The following AGFG1 variants were observed in gnomAD, a reference collection of about 807,000 sequenced individuals.
AGFG1 encodes arf-GAP domain and FG repeat-containing protein 1.
AGFG1 carries 10 observed loss-of-function variants against 60.6 expected under a neutral mutation model. The ratio of observed to expected loss-of-function variants is 0.16; its 90% CI spans 0.10 to 0.28. The LOEUF is 0.28. Ranked by LOEUF, AGFG1 falls within the 10% of genes least tolerant of loss-of-function variation. AGFG1 has a pLI of 1.00. For synonymous variants in AGFG1, 247 were observed against 242.9 expected (o/e 1.02, Z -0.16); for missense variants, 537 against 676.5 (o/e 0.79, Z 2.29).
At chr2:227,507,910 CCT>C (rs1305146167) in intron 2 of AGFG1, among the ~76,000 whole-genome samples, 14 of 151,524 alleles carry the variant, frequency 9.2e-5, no homozygotes, top group East Asian at 3.9e-4. Context: ...CAAATTTTCC[CCT>C]CTTTGTTCAA....
chr2:227,532,760 G>C (rs1261272447), intron 6 of AGFG1, among the ~76,000 whole-genome samples: 1 of 151,960 alleles, frequency 6.6e-6, no homozygotes, highest in African/African-American at 2.4e-5. Context: ...AAAAATGTAG[G>C]ATCAAAAGCA....
chr2:227,497,540 A>T lies in AGFG1; in HGVS notation c.261+5900A>T, dbSNP rs572977969. Reference sequence around the variant, plus strand: ...CCCCCATATGTATTTTAAACTGTTTAAAAAATAACATTCACTGTAAGATTT... The same window carrying T: ...CCCCCATATGTATTTTAAACTGTTTTAAAAATAACATTCACTGTAAGATTT... On this transcript the variant is annotated intron_variant, in intron 2 of 12. Coordinates refer to ENST00000310078, the MANE Select transcript of AGFG1 (RefSeq NM_004504.5). Among the ~76,000 whole-genome samples, 31 of 152,096 alleles carry T rather than the reference A, an allele frequency of 2.0e-4. 1 individual carries two copies. The South Asian group carries it at 6.4e-3, about 32-fold the overall frequency.
chr2:227,518,516 CTTT>C (rs1222543055), intron 2 of AGFG1, among the ~76,000 whole-genome samples: 3 of 102,366 alleles, frequency 2.9e-5, no homozygotes, highest in Admixed American at 1.1e-4. Context: ...GTCTCAGTGT[CTTT>C]TTTTTTTTTT....
intron 10 of AGFG1, among the ~76,000 whole-genome samples, chr2:227,550,391 A>T (rs989121323): frequency 1.3e-5 from 2 of 152,196 alleles, no homozygotes; most frequent in Admixed American, 1.3e-4. Flanking sequence ...GTTTGAATTC[A>T]TGGTACTTTG....
chr2:227,527,880 T>G (rs943247302), intron 5 of AGFG1, among the ~76,000 whole-genome samples: 7 of 152,328 alleles, frequency 4.6e-5, no homozygotes, highest in Non-Finnish European at 4.4e-5. Flanking sequence ...AAAAGATGTA[T>G]TTCACAATTT....
intron 2 of AGFG1, among the ~76,000 whole-genome samples, chr2:227,494,202 G>A (rs1186054137): frequency 2.0e-5 from 3 of 152,088 alleles, no homozygotes; most frequent in Non-Finnish European, 4.4e-5. Context: ...ACGAAGTGTG[G>A]GACAGTTGGT....
At chr2:227,551,271 T>C (rs894783489) in intron 10 of AGFG1, among the ~76,000 whole-genome samples, 4 of 152,204 alleles carry the variant, frequency 2.6e-5, no homozygotes, top group Non-Finnish European at 4.4e-5. Context: ...CTAACCTTCC[T>C]TCAGTCTCGC....
Position 227,491,623 on chromosome 2 carries a change from CA to C in AGFG1, c.249del (p.Lys83AsnfsTer12). 6.6e-7 allele frequency: 1 copy of C among 1,506,124 alleles called. No homozygotes were observed. The highest frequency in any genetic ancestry group is 2.1e-5 in the Admixed American group (1 of 48,476). The allele number at this position is 1,506,124 out of a possible 1,614,324, so 93.3% of individuals were successfully genotyped here. A position where few individuals can be genotyped will look rare whatever the true frequency, so the allele number is the denominator to read the frequency against. On this transcript the variant is annotated frameshift_variant, in exon 2 of 13. Transcript: ENST00000310078. LOFTEE classifies it high-confidence loss of function. ...TFTQQEIEFL[Q>X]KHGNEVCKQI... ...CACACAACAGGAAATTGAATTCTTACAAAAACATGGAAATGAAGTAAGTGGT... is the reference window on the plus strand; with the variant it reads ...CACACAACAGGAAATTGAATTCTTACAAAACATGGAAATGAAGTAAGTGGT...
rs1692262112 is a variant in AGFG1, at chr2:227,534,869, G to A, written c.1049G>A (p.Gly350Glu). The A allele has an allele frequency of 1.2e-6, 2 of 1,613,550 alleles. No homozygotes were observed. The highest frequency in any genetic ancestry group is 8.5e-7 in the Non-Finnish European group (1 of 1,179,686). The change falls in exon 8 of 13, where the codon GGG becomes GAG. Residue 350 changes from glycine to glutamate, a missense_variant. Transcript: ENST00000310078. ...GQGGDQGSGF[G>E]TTGKAPVGSV... is the part of the protein sequence containing the mutation. ...GGTGGTGATCAGGGAAGTGGCTTTGGGACCACAGGTAAAGCTCCTGTTGGT... is the reference window on the plus strand; with the variant it reads ...GGTGGTGATCAGGGAAGTGGCTTTGAGACCACAGGTAAAGCTCCTGTTGGT...
chr2:227,482,140 C>T (rs1263095468), intron 1 of AGFG1, among the ~76,000 whole-genome samples: 1 of 152,156 alleles, frequency 6.6e-6, no homozygotes, highest in African/African-American at 2.4e-5. Context: ...GCTGAGATTA[C>T]AGGCGTGAGC....
intron 10 of AGFG1, among the ~76,000 whole-genome samples, chr2:227,543,146 C>G (rs547538768): frequency 5.9e-5 from 9 of 152,048 alleles, no homozygotes; most frequent in African/African-American, 2.2e-4. Flanking sequence ...TTTTTTGTGT[C>G]TCTCTCTCCT....
In AGFG1 at chr2:227,553,457, CTGGACTCTGGCCTGGGTAATAG is replaced by C. The variant is rs1414068047; in HGVS notation, c.1538-246_1538-225del. 7.4e-3 allele frequency among the ~76,000 whole-genome samples: 1,076 copies of C among 144,572 alleles called. 19 individuals carry two copies. Among genetic ancestry groups the C allele is most frequent in the African/African-American group, 0.026 (1,015 of 39,134 alleles). 94.8% of individuals were successfully genotyped at this position (144,572 alleles called of 152,430 possible). On this transcript the variant is annotated intron_variant, in intron 11 of 12. Coordinates refer to ENST00000310078, the MANE Select transcript of AGFG1 (RefSeq NM_004504.5). ...GCTGCAGTGAGCCATGATCATGCTA[CTGGACTCTGGCCTGGGTAATAG>C]AGTGAGATCATGTCTCAAAAAAAAA...
At position 227,548,829 on chromosome 2, in the gene AGFG1, T is replaced by C. The variant is rs994174401; in HGVS notation, c.1379-3130T>C. ...GTGGGCACCTGTAGTCCCAGCTACT[T>C]GGGAGGCTGAGGCAGGAGAATGGCG... On this transcript the variant is annotated intron_variant, in intron 10 of 12. Transcript: ENST00000310078. Among the ~76,000 whole-genome samples the C allele has an allele frequency of 9.9e-5, 15 of 151,910 alleles. No homozygotes were observed. In the East Asian group the frequency reaches 2.5e-3, roughly 25 times the overall value.
rs1179890005 is a variant in AGFG1 at position 227,536,650 on chromosome 2, G to C, written c.1231G>C (p.Val411Leu). The part of the protein sequence containing the change: ...SSNVFGTVPV[V>L]ASAQTQPASS... ...CAATGTTTTTGGAACAGTGCCAGTG[G>C]TTGCTTCTGCACAGACACAGCCTGC... is the stretch of plus-strand genomic sequence containing the variant. Residue 411 changes from valine to leucine, a missense_variant, in exon 9 of 13, where the codon GTT (valine) becomes CTT (leucine). Around this residue, in one of 4 missense-constraint regions of AGFG1, gnomAD observed 287 missense variants for 343.6 expected, o/e 0.84. Coordinates refer to ENST00000310078, the MANE Select transcript of AGFG1 (RefSeq NM_004504.5). 17 of 1,613,278 alleles carry C rather than the reference G, an allele frequency of 1.1e-5. No individual in the cohort carries two copies. Among genetic ancestry groups the C allele is most frequent in the Non-Finnish European group, 1.4e-5 (17 of 1,179,750 alleles).
chr2:227,523,954 A>G (rs1575096209), intron 4 of AGFG1, 29 bp downstream of exon 4: 4 of 1,584,430 alleles, frequency 2.5e-6, no homozygotes, highest in Non-Finnish European at 3.5e-6. Flanking sequence ...TTTGTAGGGA[A>G]TTCGACTTAA....
At chr2:227,548,287 A>G (rs1313762391) in intron 10 of AGFG1, among the ~76,000 whole-genome samples, 2 of 152,214 alleles carry the variant, frequency 1.3e-5, no homozygotes. Flanking sequence ...CATCCCTGTG[A>G]ATATATTTAA....
chr2:227,536,814 T>C, intron 9 of AGFG1, 87 bp from the exon 10 acceptor site: 1 of 1,544,694 alleles, frequency 6.5e-7, no homozygotes, highest in Admixed American at 1.7e-5. Flanking sequence ...CCTTGAGTTT[T>C]CTGTCTTGAT....
At chr2:227,536,540 T>C in intron 8 of AGFG1, 85 bp from the exon 9 acceptor site, 1 of 1,097,708 alleles carries the variant, frequency 9.1e-7, no homozygotes, top group Non-Finnish European at 1.4e-6. Context: ...ACACGATATG[T>C]TCATTATTTT....
At chr2:227,523,980 C>G in intron 4 of AGFG1, 55 bp downstream of exon 4, 2 of 1,508,672 alleles carry the variant, frequency 1.3e-6, no homozygotes, top group Non-Finnish European at 1.8e-6. Context: ...GCTTGAGTAT[C>G]AAGAATTTGA....
Sources: gnomAD v4.1 joint callset for allele counts (sites outside exome capture counted in the v4.1 genomes callset) on GRCh38, gnomAD v4.1.1 for gene constraint, gnomAD v4.1.1 regional missense constraint, MANE v1.5 for transcripts, NCBI Gene and HGNC (gene_info 2026-07-23, HGNC 2026-07-21) for gene names.